Variants in ACYP2 observed in about 807,000 individuals in gnomAD.
ACYP2 encodes the protein acylphosphatase-2.
In ACYP2, 12 loss-of-function variants were observed where a neutral mutation model predicts 11.2. That is an observed-to-expected ratio of 1.08 (90% confidence interval 0.69 to 1.74). The LOEUF (loss-of-function observed/expected upper bound fraction) is 1.74. Ranked by LOEUF, ACYP2 falls within the 40% of genes most tolerant of loss-of-function variation. The pLI, the probability that ACYP2 is intolerant of heterozygous loss-of-function variation, is 0.00. For synonymous variants in ACYP2, 43 were observed against 32.2 expected (o/e 1.33, Z -1.13); for missense variants, 134 against 101.9 (o/e 1.31, Z -1.35).
At chr2:54,102,738 C>G (rs1444938555) in intron 4 of ACYP2, among the ~76,000 whole-genome samples, 3 of 145,836 alleles carry the variant, frequency 2.1e-5, no homozygotes, top group African/African-American at 7.7e-5. Flanking sequence ...AACAGGGGCT[C>G]AAACAATATC....
intron 6 of ACYP2, among the ~76,000 whole-genome samples, chr2:54,292,118 C>A (rs1689335420): frequency 6.6e-6 from 1 of 152,188 alleles, no homozygotes; most frequent in African/African-American, 2.4e-5. Context: ...CTCAAGCAAT[C>A]CTCCTGCCTC....
At chr2:54,259,097 G>A (rs1340907561) in intron 6 of ACYP2, among the ~76,000 whole-genome samples, 14 of 152,232 alleles carry the variant, frequency 9.2e-5, no homozygotes, top group Admixed American at 9.2e-4. Context: ...AAGAGAAAGA[G>A]AGAAGTCAAG....
chr2:54,019,701 C>G (rs1673900018), intron 2 of ACYP2, among the ~76,000 whole-genome samples: 1 of 151,816 alleles, frequency 6.6e-6, no homozygotes, highest in African/African-American at 2.4e-5. Flanking sequence ...CTCACTGCAG[C>G]CTCTGCCTCC....
At chr2:53,986,487 G>A (rs1224632322) in intron 2 of ACYP2, among the ~76,000 whole-genome samples, 1 of 147,582 alleles carries the variant, frequency 6.8e-6, no homozygotes, top group Non-Finnish European at 1.5e-5. Flanking sequence ...CAGACACACA[G>A]CACCACACTC....
intron 6 of ACYP2, among the ~76,000 whole-genome samples, chr2:54,267,090 A>G (rs1688067181): frequency 6.6e-6 from 1 of 152,196 alleles, no homozygotes; most frequent in African/African-American, 2.4e-5. Context: ...AAGGTAAGAT[A>G]CGGAGTTGAG....
chr2:54,264,153 C>T (rs1469293670), intron 6 of ACYP2, among the ~76,000 whole-genome samples: 1 of 152,116 alleles, frequency 6.6e-6, no homozygotes, highest in Non-Finnish European at 1.5e-5. Context: ...TCCGGAGTTT[C>T]TTCCTTCCGG....
intron 6 of ACYP2, among the ~76,000 whole-genome samples, chr2:54,275,167 G>A (rs1328442001): frequency 6.6e-6 from 1 of 152,182 alleles, no homozygotes; most frequent in Non-Finnish European, 1.5e-5. Flanking sequence ...AGCTCTAGTG[G>A]ATGACCAAAT....
At chr2:54,038,511 T>A (rs1675032882) in intron 2 of ACYP2, among the ~76,000 whole-genome samples, 1 of 151,796 alleles carries the variant, frequency 6.6e-6, no homozygotes, top group Non-Finnish European at 1.5e-5. Flanking sequence ...CATTTAATCC[T>A]TGTAATAGTC....
intron 4 of ACYP2, among the ~76,000 whole-genome samples, chr2:54,080,877 C>T (rs924989035): frequency 2.6e-5 from 4 of 152,126 alleles, no homozygotes; most frequent in African/African-American, 7.2e-5. Flanking sequence ...TTTCTTGCCT[C>T]GACCTCCCAA....
chr2:54,253,318 A>C (rs1158312811), intron 6 of ACYP2: 1 of 152,254 alleles, frequency 6.6e-6, no homozygotes, highest in Non-Finnish European at 1.5e-5. Context: ...ACTGCCATGA[A>C]TATCCATATC....
chr2:54,141,352 G>T (rs980690860), intron 6 of ACYP2, among the ~76,000 whole-genome samples: 1 of 152,114 alleles, frequency 6.6e-6, no homozygotes, highest in East Asian at 1.9e-4. Context: ...CAGATTGTAA[G>T]TGTTGTCGCC....
intron 4 of ACYP2, among the ~76,000 whole-genome samples, chr2:54,124,499 A>G (rs560508099): frequency 2.6e-5 from 4 of 152,232 alleles, no homozygotes; most frequent in African/African-American, 4.8e-5. Flanking sequence ...CCCAGCCCAT[A>G]TTGAATCTTT....
intron 4 of ACYP2, among the ~76,000 whole-genome samples, chr2:54,123,672 A>G (rs1680287397): frequency 1.3e-5 from 2 of 152,032 alleles, no homozygotes; most frequent in African/African-American, 4.8e-5. Context: ...GCCTCAGGGA[A>G]GTCAGGGACA....
chr2:53,993,429 C>T (rs559379067), intron 2 of ACYP2, among the ~76,000 whole-genome samples: 14 of 152,024 alleles, frequency 9.2e-5, no homozygotes, highest in East Asian at 1.9e-4. Context: ...GGAATCAGGC[C>T]GGGCGTGGTG....
intron 6 of ACYP2, among the ~76,000 whole-genome samples, chr2:54,182,285 C>T (rs544450516): frequency 6.6e-6 from 1 of 151,876 alleles, no homozygotes; most frequent in African/African-American, 2.4e-5. Flanking sequence ...GTCTCAAACT[C>T]CTGCCCTCAT....
At chr2:54,258,181 T>C (rs1687638243) in intron 6 of ACYP2, among the ~76,000 whole-genome samples, 1 of 151,630 alleles carries the variant, frequency 6.6e-6, no homozygotes, top group South Asian at 2.1e-4. Flanking sequence ...TTATAAGTGC[T>C]ATGGAAAAAA....
At chr2:54,188,677 T>C (rs1336542634) in intron 6 of ACYP2, among the ~76,000 whole-genome samples, 1 of 152,194 alleles carries the variant, frequency 6.6e-6, no homozygotes, top group Non-Finnish European at 1.5e-5. Flanking sequence ...AAACAAACCA[T>C]ACAGCCTTGC....
At chr2:54,220,253 A>G (rs1685747668) in intron 6 of ACYP2, among the ~76,000 whole-genome samples, 1 of 152,108 alleles carries the variant, frequency 6.6e-6, no homozygotes, top group Non-Finnish European at 1.5e-5. Flanking sequence ...AGCATATTTT[A>G]TCATATTAAT....
chr2:54,242,691 C>T (rs550803941), intron 6 of ACYP2, among the ~76,000 whole-genome samples: 6 of 152,310 alleles, frequency 3.9e-5, no homozygotes, highest in African/African-American at 1.2e-4. Flanking sequence ...ACATGGCATA[C>T]TATACACTCC....
Sources: allele counts gnomAD v4.1 joint callset (sites outside exome capture counted in the v4.1 genomes callset), GRCh38; gene constraint gnomAD v4.1.1; transcripts MANE v1.5; gene names NCBI Gene and HGNC (gene_info 2026-07-23, HGNC 2026-07-21).